The following C17orf107 variants were observed in gnomAD, a reference collection of about 807,000 sequenced individuals.
C17orf107 encodes chromosome 17 open reading frame 107.
A neutral mutation model predicts 8.9 loss-of-function variants in C17orf107; 9 were observed. That is an observed-to-expected ratio of 1.02 (90% confidence interval 0.61 to 1.77). The LOEUF (loss-of-function observed/expected upper bound fraction) is 1.77. Among genes scored for constraint, C17orf107 ranks in the 40% most tolerant of loss-of-function variants. C17orf107 has a pLI of 0.00. For missense variants in C17orf107, 281 were observed against 249.0 expected (o/e 1.13, Z -0.86); for synonymous variants, 139 against 120.3 (o/e 1.16, Z -1.02).
Position 4,902,802 on chromosome 17 carries a change from A to G in C17orf107, c.*2269A>G. 1 of 1,613,892 alleles carries G rather than the reference A, an allele frequency of 6.2e-7. No homozygotes were observed. Among genetic ancestry groups the G allele is most frequent in the Non-Finnish European group, 8.5e-7 (1 of 1,179,988 alleles). On this transcript the variant is annotated 3_prime_UTR_variant, in exon 3 of 3. Coordinates refer to ENST00000381365, the MANE Select transcript of C17orf107 (RefSeq NM_001145536.2). The surrounding 1 kb of genome is among the most constrained non-coding windows in gnomAD (Gnocchi z 4.0). ...AAGAAGGAAGGGTCATTGGCAATGA[A>G]GAGGCTGGAGCACCTCTCTCCCCTC... is the stretch of plus-strand genomic sequence containing the variant.
In C17orf107 at chr17:4,902,169, C is replaced by T. The variant is rs928929092; in HGVS notation, c.*1636C>T. ...CCCTTCCCCAACCAAGTCCAGCCCG[C>T]ACCCCAGGCCGGCTTCCCTCCAGCC... On this transcript the variant is annotated 3_prime_UTR_variant, in exon 3 of 3. Coordinates refer to ENST00000381365, the MANE Select transcript of C17orf107 (RefSeq NM_001145536.2). The surrounding 1 kb of genome is among the most constrained non-coding windows in gnomAD (Gnocchi z 4.0). The T allele has an allele frequency of 1.6e-5, 26 of 1,613,828 alleles. No homozygotes were observed. The highest frequency in any genetic ancestry group is 4.5e-5 in the East Asian group (2 of 44,868).
At chr17:4,899,907 G>T in intron 1 of C17orf107, 29 bp from the exon 2 acceptor site, 1 of 1,549,572 alleles carries the variant, frequency 6.5e-7, no homozygotes, top group Non-Finnish European at 8.7e-7. Flanking sequence ...CCCCTGCCCT[G>T]CTACTCTACT....
Position 4,902,025 on chromosome 17 carries a change from A to G in C17orf107, c.*1492A>G. 1 of 1,614,070 alleles carries G rather than the reference A, an allele frequency of 6.2e-7. No homozygotes were observed. Among genetic ancestry groups the G allele is most frequent in the Non-Finnish European group, 8.5e-7 (1 of 1,180,026 alleles). ...GTAGATGGCCGGAGGCAGCCACGTCACGGAGCCGCCCTCGTAGACGAGCAC... is the reference window on the plus strand; with the variant it reads ...GTAGATGGCCGGAGGCAGCCACGTCGCGGAGCCGCCCTCGTAGACGAGCAC... On this transcript the variant is annotated 3_prime_UTR_variant, in exon 3 of 3. Transcript: ENST00000381365. The surrounding 1 kb of genome is among the most constrained non-coding windows in gnomAD (Gnocchi z 4.0).
In C17orf107 at chr17:4,901,739, A is replaced by ACCCAAG; in HGVS notation, c.*1211_*1216dup. ...GCCGCGATCCCAAGCCCACCCCTTCACCCAAGCCCAGCCCGCACGCCTCTG... is the reference window on the plus strand; with the variant it reads ...GCCGCGATCCCAAGCCCACCCCTTCACCCAAGCCCAAGCCCAGCCCGCACGCCTCTG... On this transcript the variant is annotated 3_prime_UTR_variant, in exon 3 of 3. Transcript: ENST00000381365. 1 of 1,266,458 alleles carries ACCCAAG rather than the reference A, an allele frequency of 7.9e-7. No individual in the cohort carries two copies. The highest frequency in any genetic ancestry group is 1.2e-5 in the South Asian group (1 of 82,002). The allele number at this position is 1,266,458 out of a possible 1,614,324, so 78.5% of individuals were successfully genotyped here.
chr17:4,902,759 C>A lies in C17orf107; in HGVS notation c.*2226C>A. On this transcript the variant is annotated 3_prime_UTR_variant, in exon 3 of 3. Coordinates refer to ENST00000381365, the MANE Select transcript of C17orf107 (RefSeq NM_001145536.2). This position sits in a 1 kb window ranked among gnomAD's most constrained non-coding sequence, Gnocchi z 4.0. ...GCAGTTCCTCGTTCTTCCCCACACC[C>A]CTGCCTGCGATGGGGTCAAGAAGGA... 1 of 1,614,024 alleles carries A rather than the reference C, an allele frequency of 6.2e-7. No homozygotes were observed. The highest frequency in any genetic ancestry group is 1.1e-5 in the South Asian group (1 of 91,074).
chr17:4,902,919 T>C lies in C17orf107; in HGVS notation c.*2386T>C. ...TATGCTGTGCCTGGGAACGAAATAC[T>C]GTGTCTAAGTCTCCATCTTGGTCTC... is the stretch of plus-strand genomic sequence containing the variant. On this transcript the variant is annotated 3_prime_UTR_variant, in exon 3 of 3. Transcript: ENST00000381365. This position sits in a 1 kb window ranked among gnomAD's most constrained non-coding sequence, Gnocchi z 4.0. 1.2e-5 allele frequency: 19 copies of C among 1,584,716 alleles called. No individual in the cohort carries two copies. Among genetic ancestry groups the C allele is most frequent in the Non-Finnish European group, 1.3e-5 (15 of 1,153,650 alleles).
At chr17:4,904,232 T>C (rs551831396), downstream of C17orf107, among the ~76,000 whole-genome samples, 1 of 152,114 alleles carries the variant, frequency 6.6e-6, no homozygotes, top group African/African-American at 2.4e-5. Context: ...GATCTCACTC[T>C]GTCACCCAGA....
Position 4,901,674 on chromosome 17 carries a change from C to T in C17orf107, c.*1141C>T, listed in dbSNP as rs1300092408. The T allele has an allele frequency of 3.9e-6, 6 of 1,551,312 alleles. No individual in the cohort carries two copies. Among genetic ancestry groups the T allele is most frequent in the South Asian group, 2.2e-5 (2 of 89,778 alleles). On this transcript the variant is annotated 3_prime_UTR_variant, in exon 3 of 3. Coordinates refer to ENST00000381365, the MANE Select transcript of C17orf107 (RefSeq NM_001145536.2). ...CACCCCAGAAGCTCTGACCTGGGCC[C>T]CGGCCTCAGGCCCAGCCCTGGAAGC...
chr17:4,905,464 C>T (rs562106464), downstream of C17orf107, among the ~76,000 whole-genome samples: 1 of 152,304 alleles, frequency 6.6e-6, no homozygotes, highest in East Asian at 1.9e-4. Flanking sequence ...ACTTAGGAGG[C>T]TGAGGCGGGA....
In C17orf107 at chr17:4,901,685, C is replaced by T. The variant is rs1358546456; in HGVS notation, c.*1152C>T. On this transcript the variant is annotated 3_prime_UTR_variant, in exon 3 of 3. Transcript: ENST00000381365. ...CTCTGACCTGGGCCCCGGCCTCAGG[C>T]CCAGCCCTGGAAGCTGGGATCTAGC... The T allele has an allele frequency of 1.3e-6, 2 of 1,525,496 alleles. No individual in the cohort carries two copies. Among genetic ancestry groups the T allele is most frequent in the African/African-American group, 2.7e-5 (2 of 73,290 alleles). 94.5% of individuals were successfully genotyped at this position (1,525,496 alleles called of 1,614,324 possible). A position where few individuals can be genotyped will look rare whatever the true frequency, so the allele number is the denominator to read the frequency against.
In C17orf107 at chr17:4,901,429, C is replaced by T. The variant is rs1969981424; in HGVS notation, c.*896C>T. On this transcript the variant is annotated 3_prime_UTR_variant, in exon 3 of 3. Transcript: ENST00000381365. ...AGCTAAACCCAGTTGTGGAAGTCATCCTCCAGTGTCGTTGGTCCGGGGCAA... is the reference window on the plus strand; with the variant it reads ...AGCTAAACCCAGTTGTGGAAGTCATTCTCCAGTGTCGTTGGTCCGGGGCAA... The T allele has an allele frequency of 8.6e-7, 1 of 1,156,208 alleles. No homozygotes were observed. Among genetic ancestry groups the T allele is most frequent in the South Asian group, 1.2e-5 (1 of 80,776 alleles). 71.6% of individuals were successfully genotyped at this position (1,156,208 alleles called of 1,614,324 possible).
Position 4,901,317 on chromosome 17 carries a change from G to A in C17orf107, c.*784G>A. 9 of 1,083,840 alleles carry A rather than the reference G, an allele frequency of 8.3e-6. No individual in the cohort carries two copies. Among genetic ancestry groups the A allele is most frequent in the East Asian group, 2.5e-5 (1 of 40,254 alleles). 67.1% of individuals were successfully genotyped at this position (1,083,840 alleles called of 1,614,324 possible). A position where few individuals can be genotyped will look rare whatever the true frequency, so the allele number is the denominator to read the frequency against. ...GGCCGTCAGGATGGGGGCAATTACG[G>A]ACAGAAAAGGGCATTCTCGTTGAGG... is the stretch of plus-strand genomic sequence containing the variant. On this transcript the variant is annotated 3_prime_UTR_variant, in exon 3 of 3. Coordinates refer to ENST00000381365, the MANE Select transcript of C17orf107 (RefSeq NM_001145536.2).
At chr17:4,903,064 C>T (rs746498663), downstream of C17orf107, 10 of 1,614,042 alleles carry the variant, frequency 6.2e-6, 1 homozygote, top group South Asian at 8.8e-5. Flanking sequence ...CCCTTGCCAT[C>T]CTGCTGCGTG....
downstream of C17orf107, chr17:4,902,950 T>C (rs1970036848): frequency 3.7e-6 from 6 of 1,606,898 alleles, no homozygotes; most frequent in Middle Eastern, 3.3e-4. The surrounding 1 kb of genome is among the most constrained non-coding windows in gnomAD (Gnocchi z 4.0). Context: ...GTCTCTGTCT[T>C]TGTCTTCCCA....
rs755779868 is a variant in C17orf107, at chr17:4,902,207, C to T, written c.*1674C>T. 2.5e-6 allele frequency: 4 copies of T among 1,613,892 alleles called. No homozygotes were observed. In the South Asian group the frequency reaches 3.3e-5, roughly 13 times the overall value. On this transcript the variant is annotated 3_prime_UTR_variant, in exon 3 of 3. Coordinates refer to ENST00000381365, the MANE Select transcript of C17orf107 (RefSeq NM_001145536.2). This position sits in a 1 kb window ranked among gnomAD's most constrained non-coding sequence, Gnocchi z 4.0. The stretch of plus-strand genomic sequence containing the variant: ...CTTCCCTCCAGCCTGGCGTCTGGCC[C>T]GGTTCTCACTTGTTTTCCAGCACAA...
In C17orf107 at chr17:4,901,266, C is replaced by A; in HGVS notation, c.*733C>A. ...AGCTGACAGCGGGCTGAAGAGGAGGCTGCGGCTGTCTGCACCAGGGTCATG... is the reference window on the plus strand; with the variant it reads ...AGCTGACAGCGGGCTGAAGAGGAGGATGCGGCTGTCTGCACCAGGGTCATG... On this transcript the variant is annotated 3_prime_UTR_variant, in exon 3 of 3. Transcript: ENST00000381365. The A allele has an allele frequency of 6.7e-7, 1 of 1,498,566 alleles. No individual in the cohort carries two copies. Among genetic ancestry groups the A allele is most frequent in the Non-Finnish European group, 9.1e-7 (1 of 1,098,048 alleles). 92.8% of individuals were successfully genotyped at this position (1,498,566 alleles called of 1,614,324 possible).
At position 4,901,386 on chromosome 17, in the gene C17orf107, G is replaced by T. The variant is rs1969980096; in HGVS notation, c.*853G>T. On this transcript the variant is annotated 3_prime_UTR_variant, in exon 3 of 3. Transcript: ENST00000381365. ...CAGGACTAGAGTAACAATCGAGAATGATTTCAGGACAGGGGTAAGCTAAAC... is the reference window on the plus strand; with the variant it reads ...CAGGACTAGAGTAACAATCGAGAATTATTTCAGGACAGGGGTAAGCTAAAC... 1 of 967,324 alleles carries T rather than the reference G, an allele frequency of 1.0e-6. No individual in the cohort carries two copies. The highest frequency in any genetic ancestry group is 1.6e-6 in the Non-Finnish European group (1 of 613,622). The allele number at this position is 967,324 out of a possible 1,614,324, so 59.9% of individuals were successfully genotyped here. A position where few individuals can be genotyped will look rare whatever the true frequency, so the allele number is the denominator to read the frequency against.
chr17:4,901,168 G>A lies in C17orf107; in HGVS notation c.*635G>A. On this transcript the variant is annotated 3_prime_UTR_variant, in exon 3 of 3. Transcript: ENST00000381365. ...GGCGGCGGATCACCCCCGGGCAGAA[G>A]TCGATGGCCCACTCGCCGTTCTCTG... The A allele has an allele frequency of 6.2e-7, 1 of 1,607,690 alleles. No individual in the cohort carries two copies. The highest frequency in any genetic ancestry group is 8.5e-7 in the Non-Finnish European group (1 of 1,179,490).
rs1380685198 is a variant in C17orf107 at position 4,900,239 on chromosome 17, C to G, written c.279C>G (p.Ile93Met). 3 of 1,547,452 alleles carry G rather than the reference C, an allele frequency of 1.9e-6. No homozygotes were observed. In the East Asian group the frequency reaches 7.3e-5, roughly 38 times the overall value. ...LVSFGTTLLE[I>M]SALWLQQEAR... ...TAACCCCTGTGCCCCCAATGCAGAT[C>G]TCAGCCCTGTGGCTGCAGCAGGAGG... Residue 93 changes from isoleucine to methionine, a missense_variant and splice_region_variant, in exon 3 of 3, where the codon ATC becomes ATG. Transcript: ENST00000381365.
Sources: gnomAD v4.1 joint callset for allele counts (sites outside exome capture counted in the v4.1 genomes callset) on GRCh38, gnomAD v4.1.1 for gene constraint, Gnocchi (gnomAD v3.1) non-coding constraint, MANE v1.5 for transcripts, NCBI Gene and HGNC (gene_info 2026-07-23, HGNC 2026-07-21) for gene names.